The following EVC variants were observed in gnomAD, a reference collection of about 807,000 sequenced individuals.
The protein encoded by EVC is EvC ciliary complex subunit 1.
EVC carries 116 observed loss-of-function variants against 118.9 expected under a neutral mutation model. The observed-to-expected ratio is 0.98, with a 90% CI of 0.84 to 1.14. The LOEUF is 1.14. Ranked by LOEUF, EVC falls within the 50% of genes most tolerant of loss-of-function variation. The pLI is 0.00. For synonymous variants in EVC, 619 were observed against 534.7 expected (o/e 1.16, Z -2.18); for missense variants, 1,401 against 1,246.4 (o/e 1.12, Z -1.87).
intron 5 of EVC, among the ~76,000 whole-genome samples, chr4:5,741,374 A>G (rs1200745550): frequency 3.9e-5 from 6 of 152,250 alleles, no homozygotes; most frequent in Non-Finnish European, 5.9e-5. Flanking sequence ...TCAAAGAAGC[A>G]AACCCTCCTT....
chr4:5,749,829 C>T lies in EVC; in HGVS notation c.1098+1523C>T, dbSNP rs146814420. On this transcript the variant is annotated intron_variant, in intron 8 of 20. Transcript: ENST00000264956. This position sits in a 1 kb window ranked among gnomAD's most constrained non-coding sequence, Gnocchi z 4.4. ...GACCCGTGGGAAAGCCAAGCCTCAA[C>T]GGATCTTTGCCTCCCCTTGCACACC... Among the ~76,000 whole-genome samples, 189 of 152,300 alleles carry T rather than the reference C, an allele frequency of 1.2e-3. No individual in the cohort carries two copies. Among genetic ancestry groups the T allele is most frequent in the African/African-American group, 4.3e-3 (180 of 41,552 alleles).
chr4:5,800,731 G>T (rs998955787), intron 15 of EVC, among the ~76,000 whole-genome samples: 1 of 152,322 alleles, frequency 6.6e-6, no homozygotes, highest in African/African-American at 2.4e-5. Flanking sequence ...TTTGCAGATG[G>T]GGCAGAGGAG....
intron 9 of EVC, among the ~76,000 whole-genome samples, chr4:5,753,562 G>A (rs1730719034): frequency 6.6e-6 from 1 of 152,124 alleles, no homozygotes; most frequent in African/African-American, 2.4e-5. Context: ...CCCTGGGGTG[G>A]GGGTGGGGCA....
chr4:5,716,044 C>T (rs1723907149), intron 1 of EVC, among the ~76,000 whole-genome samples: 1 of 152,146 alleles, frequency 6.6e-6, no homozygotes, highest in Non-Finnish European at 1.5e-5. Context: ...ACCCGGCCTC[C>T]ATTGTCTTCT....
chr4:5,783,326 G>A (rs372268807), intron 11 of EVC, among the ~76,000 whole-genome samples: 4 of 148,570 alleles, frequency 2.7e-5, no homozygotes, highest in African/African-American at 9.7e-5. Flanking sequence ...ACAAGTGTGT[G>A]TGCATGTGGG....
intron 11 of EVC, among the ~76,000 whole-genome samples, chr4:5,764,076 A>T (rs1263326177): frequency 6.8e-6 from 1 of 146,170 alleles, no homozygotes; most frequent in African/African-American, 2.6e-5. Flanking sequence ...GATACATCCC[A>T]TCAATACCTA....
Position 5,812,881 on chromosome 4 carries a change from T to G in EVC, c.*1844T>G, listed in dbSNP as rs201132535. 1.9e-5 allele frequency: 1 copy of G among 53,918 alleles called. No individual in the cohort carries two copies. Among genetic ancestry groups the G allele is most frequent in the African/African-American group, 5.4e-5 (1 of 18,608 alleles). 3.3% of individuals were successfully genotyped at this position (53,918 alleles called of 1,614,324 possible). On this transcript the variant is annotated 3_prime_UTR_variant, in exon 21 of 21. Transcript: ENST00000264956. The stretch of plus-strand genomic sequence containing the variant: ...CCACTGTGCTGAGTCAAAGGGTGCC[T>G]TGCCCTGGTCTAATCCAGGACATAG...
intron 11 of EVC, among the ~76,000 whole-genome samples, chr4:5,767,560 G>A (rs1398729837): frequency 6.6e-6 from 1 of 151,100 alleles, no homozygotes; most frequent in East Asian, 2.0e-4. Flanking sequence ...AGACTCCTTG[G>A]GCATAGGACC....
rs184945289 is a variant in EVC at position 5,738,492 on chromosome 4, T to A, written c.703-3224T>A. Among the ~76,000 whole-genome samples the A allele has an allele frequency of 2.0e-5, 3 of 151,950 alleles. No individual in the cohort carries two copies. The East Asian group carries it at 5.8e-4, about 29-fold the overall frequency. On this transcript the variant is annotated intron_variant, in intron 5 of 20. Coordinates refer to ENST00000264956, the MANE Select transcript of EVC (RefSeq NM_153717.3). This position sits in a 1 kb window ranked among gnomAD's most constrained non-coding sequence, Gnocchi z 6.5. ...TCAGCTGATGTGGCCCACTTCAGAGTGGTCTTATTTTAAGAAACTGCCACA... is the reference window on the plus strand; with the variant it reads ...TCAGCTGATGTGGCCCACTTCAGAGAGGTCTTATTTTAAGAAACTGCCACA...
chr4:5,801,728 C>A, intron 15 of EVC: 5 of 451,350 alleles, frequency 1.1e-5, no homozygotes, highest in Middle Eastern at 6.5e-4. Flanking sequence ...CTTTCCCTAA[C>A]ATCGCATTTC....
At position 5,733,211 on chromosome 4, in the gene EVC, G is replaced by A. The variant is rs551440233; in HGVS notation, c.618-140G>A. 84 of 754,626 alleles carry A rather than the reference G, an allele frequency of 1.1e-4. 1 individual carries two copies. Among genetic ancestry groups the A allele is most frequent in the South Asian group, 8.1e-4 (60 of 73,670 alleles). 46.7% of individuals were successfully genotyped at this position (754,626 alleles called of 1,614,324 possible). ...CCCTTCTTATAAACCTGGAGTGAGC[G>A]TAAGGACCTCAGCATGCTGCAGAAT... On this transcript the variant is annotated intron_variant, in intron 4 of 20. Coordinates refer to ENST00000264956, the MANE Select transcript of EVC (RefSeq NM_153717.3).
intron 11 of EVC, among the ~76,000 whole-genome samples, chr4:5,776,836 T>C (rs1279659930): frequency 1.3e-5 from 2 of 150,786 alleles, no homozygotes; most frequent in South Asian, 4.4e-4. Context: ...TATTTTCAAT[T>C]CTAGAACTGC....
intron 12 of EVC, among the ~76,000 whole-genome samples, chr4:5,785,324 G>A (rs931962325): frequency 5.3e-5 from 8 of 152,190 alleles, no homozygotes; most frequent in Non-Finnish European, 1.0e-4. Flanking sequence ...AGCCATTACC[G>A]CAGCCCTGAA....
chr4:5,775,546 C>G (rs1734595938), intron 11 of EVC, among the ~76,000 whole-genome samples: 1 of 152,150 alleles, frequency 6.6e-6, no homozygotes, highest in African/African-American at 2.4e-5. Context: ...ACAGCATGTG[C>G]TTTGTCCCAT....
chr4:5,828,447 C>G, the EVC span: 1 of 1,599,076 alleles, frequency 6.3e-7, no homozygotes, highest in Non-Finnish European at 8.5e-7. Context: ...GCTGTCGGCT[C>G]TGGTCCCACG....
At chr4:5,819,064 AT>A (rs1212727640), downstream of EVC, among the ~76,000 whole-genome samples, 1 of 152,234 alleles carries the variant, frequency 6.6e-6, no homozygotes, top group Non-Finnish European at 1.5e-5. Context: ...AGTCTTTGCA[AT>A]AAATGGTGTT....
the EVC span, among the ~76,000 whole-genome samples, chr4:5,827,655 C>T: frequency 4.5e-4 from 68 of 151,962 alleles, no homozygotes; most frequent in Non-Finnish European, 8.7e-4. Context: ...CACACACATC[C>T]CCATATGCAC....
chr4:5,776,414 T>C (rs563794424), intron 11 of EVC, among the ~76,000 whole-genome samples: 6 of 152,282 alleles, frequency 3.9e-5, no homozygotes, highest in South Asian at 2.1e-4. Flanking sequence ...CTTTAAAAAA[T>C]ATTTACCTGA....
At position 5,719,700 on chromosome 4, in the gene EVC, C is replaced by T. The variant is rs1223486575; in HGVS notation, c.300+327C>T. ...TGCGTGGGATTTCCATTGATTGGTTCTGCAGTTCTGGAACCTTATGCAAAT... is the reference window on the plus strand; with the variant it reads ...TGCGTGGGATTTCCATTGATTGGTTTTGCAGTTCTGGAACCTTATGCAAAT... On this transcript the variant is annotated intron_variant, in intron 2 of 20. Coordinates refer to ENST00000264956, the MANE Select transcript of EVC (RefSeq NM_153717.3). This position sits in a 1 kb window ranked among gnomAD's most constrained non-coding sequence, Gnocchi z 4.7. 1.3e-5 allele frequency among the ~76,000 whole-genome samples: 2 copies of T among 152,178 alleles called. No homozygotes were observed. The highest frequency in any genetic ancestry group is 2.4e-5 in the African/African-American group (1 of 41,442).
Sources: allele counts gnomAD v4.1 joint callset (sites outside exome capture counted in the v4.1 genomes callset), GRCh38; gene constraint gnomAD v4.1.1; non-coding constraint Gnocchi (gnomAD v3.1); transcripts MANE v1.5; gene names NCBI Gene and HGNC (gene_info 2026-07-23, HGNC 2026-07-21).